Variants in GATAD1 observed in about 807,000 individuals in gnomAD.
The protein encoded by GATAD1 is GATA zinc finger domain containing 1, also known as GATA zinc finger domain-containing protein 1.
A neutral mutation model predicts 26.5 loss-of-function variants in GATAD1; 12 were observed. The observed-to-expected ratio is 0.45, with a 90% CI of 0.29 to 0.73. GATAD1 has a LOEUF of 0.73. Ranked by LOEUF, GATAD1 falls within the 30% of genes least tolerant of loss-of-function variation. The pLI is 0.10. For synonymous variants in GATAD1, 129 were observed against 133.1 expected (o/e 0.97, Z 0.21); for missense variants, 266 against 342.1 (o/e 0.78, Z 1.75).
At chr7:92,448,195 A>C (rs1005149628) in intron 1 of GATAD1, among the ~76,000 whole-genome samples, 1 of 152,260 alleles carries the variant, frequency 6.6e-6, no homozygotes, top group Middle Eastern at 3.2e-3. Flanking sequence ...CAAGATGTAA[A>C]GCCCTTAAGA....
At chr7:92,476,553 C>G in the GATAD1 span, among the ~76,000 whole-genome samples, 188 of 152,260 alleles carry the variant, frequency 1.2e-3, no homozygotes, top group African/African-American at 4.2e-3. Flanking sequence ...AGGAATAGGG[C>G]ACACTGTTTT....
rs919568488 is a variant in GATAD1, at chr7:92,447,543, C to G, written c.-187C>G. ...GAATCCTGGCCTCCGCCTGCGGAGCCGGCGGAACCCGCTTCCCGCCTCCAC... is the reference window on the plus strand; with the variant it reads ...GAATCCTGGCCTCCGCCTGCGGAGCGGGCGGAACCCGCTTCCCGCCTCCAC... On this transcript the variant is annotated 5_prime_UTR_variant, in exon 1 of 5. Transcript: ENST00000287957. 6.2e-6 allele frequency: 4 copies of G among 646,006 alleles called. No individual in the cohort carries two copies. Among genetic ancestry groups the G allele is most frequent in the Admixed American group, 4.7e-5 (1 of 21,172 alleles). The allele number at this position is 646,006 out of a possible 1,614,324, so 40.0% of individuals were successfully genotyped here. A position where few individuals can be genotyped will look rare whatever the true frequency, so the allele number is the denominator to read the frequency against.
the GATAD1 span, chr7:92,468,271 T>G: frequency 7.1e-3 from 1,188 of 167,718 alleles, 6 homozygotes; most frequent in Non-Finnish European, 8.7e-3. Flanking sequence ...ACACCCTGCA[T>G]GATCCAGAGG....
the GATAD1 span, among the ~76,000 whole-genome samples, chr7:92,475,760 T>G: frequency 6.6e-6 from 1 of 152,130 alleles, no homozygotes; most frequent in South Asian, 2.1e-4. Context: ...CAGGGGTGAG[T>G]CCTAGAGCTG....
At chr7:92,454,238 A>G in intron 3 of GATAD1, 1 of 384,488 alleles carries the variant, frequency 2.6e-6, no homozygotes, top group South Asian at 3.2e-5. Flanking sequence ...TATTACGGCA[A>G]TATAAAATCA....
chr7:92,495,387 A>G, the GATAD1 span, among the ~76,000 whole-genome samples: 2 of 152,178 alleles, frequency 1.3e-5, no homozygotes. Context: ...GGCCAAAAAT[A>G]GACCAGAATT....
At chr7:92,486,534 C>T in the GATAD1 span, among the ~76,000 whole-genome samples, 2 of 152,154 alleles carry the variant, frequency 1.3e-5, no homozygotes, top group African/African-American at 4.8e-5. Flanking sequence ...TAGTGATCCA[C>T]TAAGTCTTTG....
chr7:92,462,013 G>A (rs1277586951), downstream of GATAD1, among the ~76,000 whole-genome samples: 1 of 152,158 alleles, frequency 6.6e-6, no homozygotes, highest in African/African-American at 2.4e-5. Flanking sequence ...CCAGCTGGTG[G>A]CCAATGTAAA....
chr7:92,459,888 A>T lies in GATAD1; in HGVS notation c.*3326A>T, dbSNP rs575648424. 6.6e-6 allele frequency among the ~76,000 whole-genome samples: 1 copy of T among 152,360 alleles called. No homozygotes were observed. The highest frequency in any genetic ancestry group is 1.9e-4 in the East Asian group (1 of 5,188). ...AATGCTTGTTGATATTTTAGTTATT[A>T]ATTCATATTAACTTTGGCTGAAACT... On this transcript the variant is annotated 3_prime_UTR_variant, in exon 5 of 5. Transcript: ENST00000287957.
At chr7:92,486,787 C>G in the GATAD1 span, among the ~76,000 whole-genome samples, 1 of 151,968 alleles carries the variant, frequency 6.6e-6, no homozygotes, top group Non-Finnish European at 1.5e-5. Context: ...ATATTAGATA[C>G]GCAGATTGTA....
the GATAD1 span, chr7:92,468,832 C>G: frequency 2.6e-6 from 2 of 764,240 alleles, no homozygotes; most frequent in South Asian, 2.7e-5. Flanking sequence ...AGGAGGGGTG[C>G]CTTTGATGTC....
At position 92,459,180 on chromosome 7, in the gene GATAD1, C is replaced by G. The variant is rs530924680; in HGVS notation, c.*2618C>G. On this transcript the variant is annotated 3_prime_UTR_variant, in exon 5 of 5. Transcript: ENST00000287957. ...GGCAGAGACTGCAGTGAGCCGAGAT[C>G]GCGCCACTGCACTCCAGTCTGGGTG... 6.7e-6 allele frequency: 1 copy of G among 150,032 alleles called. No homozygotes were observed. Among genetic ancestry groups the G allele is most frequent in the Non-Finnish European group, 1.5e-5 (1 of 67,780 alleles). 9.3% of individuals were successfully genotyped at this position (150,032 alleles called of 1,614,324 possible).
the GATAD1 span, among the ~76,000 whole-genome samples, chr7:92,476,936 G>A: frequency 1.3e-5 from 2 of 152,188 alleles, no homozygotes; most frequent in Non-Finnish European, 2.9e-5. Flanking sequence ...ATAGTACCTA[G>A]GAGGCAGGGA....
the GATAD1 span, chr7:92,469,497 G>A: frequency 2.1e-5 from 16 of 769,084 alleles, no homozygotes; most frequent in East Asian, 3.2e-4. Context: ...TGGTCATAGG[G>A]GGCACTAAGA....
In GATAD1 at chr7:92,447,989, C is replaced by G. The variant is rs904402772; in HGVS notation, c.249+11C>G. 11 of 1,213,486 alleles carry G rather than the reference C, an allele frequency of 9.1e-6. No homozygotes were observed. In the African/African-American group the frequency reaches 1.6e-4, roughly 17 times the overall value. The allele number at this position is 1,213,486 out of a possible 1,614,324, so 75.2% of individuals were successfully genotyped here. On this transcript the variant is annotated intron_variant, in intron 1 of 4. Coordinates refer to ENST00000287957, the MANE Select transcript of GATAD1 (RefSeq NM_021167.5). ...GGGGGCGGCAAGCAGGTGAGCTCCT[C>G]CGGCCCCTCCCGCCGGCGGAGGCCG...
At chr7:92,448,930 G>C in intron 2 of GATAD1, 53 bp downstream of exon 2, 1 of 1,542,608 alleles carries the variant, frequency 6.5e-7, no homozygotes, top group South Asian at 1.1e-5. Flanking sequence ...TGTGTATCCT[G>C]CCACTGCCTT....
chr7:92,448,726 T>C, intron 1 of GATAD1, 26 bp from the exon 2 acceptor site: 2 of 1,598,296 alleles, frequency 1.3e-6, no homozygotes, highest in Non-Finnish European at 1.7e-6. Flanking sequence ...TTTCTCTTTT[T>C]GTTCTTTAAT....
At chr7:92,469,771 T>C in the GATAD1 span, 4 of 764,400 alleles carry the variant, frequency 5.2e-6, no homozygotes, top group Non-Finnish European at 9.6e-6. Context: ...GTTCCATTGT[T>C]CAGGTACAGG....
downstream of GATAD1, among the ~76,000 whole-genome samples, chr7:92,460,744 C>G (rs1238356320): frequency 6.8e-6 from 1 of 147,912 alleles, no homozygotes; most frequent in East Asian, 2.0e-4. Context: ...TGCCACCACT[C>G]CAGCCTGGGT....
Sources: allele counts gnomAD v4.1 joint callset (sites outside exome capture counted in the v4.1 genomes callset), GRCh38; gene constraint gnomAD v4.1.1; transcripts MANE v1.5; gene names NCBI Gene and HGNC (gene_info 2026-07-23, HGNC 2026-07-21).